The following SNX29 variants were observed in gnomAD, a reference collection of about 807,000 sequenced individuals.
SNX29 encodes the protein sorting nexin-29.
A neutral mutation model predicts 102.1 loss-of-function variants in SNX29; 78 were observed. The ratio of observed to expected loss-of-function variants is 0.76; its 90% CI spans 0.64 to 0.92. The LOEUF (loss-of-function observed/expected upper bound fraction) is 0.92, where lower values mean the gene tolerates loss of function less well. Among genes scored for constraint, SNX29 ranks in the 40% least tolerant of loss-of-function variants. The pLI is 0.00. For missense variants in SNX29, 1,280 were observed against 1,061.7 expected, an observed-to-expected ratio of 1.21 and a Z score of -2.86; for synonymous variants, 580 against 414.5, an observed-to-expected ratio of 1.40 and a Z score of -4.85.
rs535140580 is a variant in SNX29 at position 12,457,254 on chromosome 16, A to G, written c.2038-20465A>G. Among the ~76,000 whole-genome samples, 13 of 152,312 alleles carry G rather than the reference A, an allele frequency of 8.5e-5. No homozygotes were observed. In the East Asian group the frequency reaches 2.5e-3, roughly 29 times the overall value. ...ACCCTCTTAGGTGGGTGCTAATACTATCCCCGCTCTATAGATGCTAAAACT... is the reference window on the plus strand; with the variant it reads ...ACCCTCTTAGGTGGGTGCTAATACTGTCCCCGCTCTATAGATGCTAAAACT... On this transcript the variant is annotated intron_variant, in intron 18 of 20. Transcript: ENST00000566228.
intron 13 of SNX29, among the ~76,000 whole-genome samples, chr16:12,145,607 TTTA>T (rs1257207088): frequency 2.6e-5 from 4 of 152,212 alleles, no homozygotes; most frequent in African/African-American, 9.6e-5. Context: ...CATCAATGAA[TTTA>T]TTATTTATGG....
intron 13 of SNX29, among the ~76,000 whole-genome samples, chr16:12,132,135 C>T (rs186713330): frequency 6.5e-4 from 96 of 148,608 alleles, no homozygotes; most frequent in African/African-American, 2.3e-3. Flanking sequence ...CTTGCCCTGT[C>T]GTGCCCAGGC....
chr16:12,228,575 C>T (rs1052564908), intron 14 of SNX29, among the ~76,000 whole-genome samples: 1 of 152,240 alleles, frequency 6.6e-6, no homozygotes, highest in African/African-American at 2.4e-5. Context: ...AGTGACTTCC[C>T]GTTGCAATTA....
chr16:12,519,989 C>T (rs2090033966), intron 19 of SNX29, among the ~76,000 whole-genome samples: 1 of 150,498 alleles, frequency 6.6e-6, no homozygotes, highest in African/African-American at 2.5e-5. Flanking sequence ...GTCCCGCCTG[C>T]AAAAAATAAA....
chr16:12,343,567 C>T (rs981276251), intron 15 of SNX29, among the ~76,000 whole-genome samples: 6 of 152,180 alleles, frequency 3.9e-5, no homozygotes, highest in African/African-American at 7.2e-5. Context: ...CTGCCTTTGG[C>T]CTCAGCTTAG....
intron 18 of SNX29, chr16:12,443,318 C>T (rs1291634549): frequency 1.6e-5 from 3 of 186,516 alleles, no homozygotes; most frequent in South Asian, 9.4e-5. Context: ...GCCAAGGCAG[C>T]AGAGAGAGTC....
chr16:12,067,131 G>C (rs2051075311), intron 9 of SNX29, among the ~76,000 whole-genome samples: 1 of 152,054 alleles, frequency 6.6e-6, no homozygotes, highest in South Asian at 2.1e-4. Flanking sequence ...GCTGCAGTGA[G>C]CTATAATCGT....
chr16:12,067,819 C>A (rs2051104712), intron 9 of SNX29, among the ~76,000 whole-genome samples: 1 of 152,166 alleles, frequency 6.6e-6, no homozygotes, highest in African/African-American at 2.4e-5. Flanking sequence ...AAGGTTTCTC[C>A]TGGGTGATAC....
intron 18 of SNX29, among the ~76,000 whole-genome samples, chr16:12,440,818 G>A (rs956124364): frequency 2.6e-5 from 4 of 152,138 alleles, no homozygotes; most frequent in Admixed American, 6.5e-5. Context: ...TATGTACCAC[G>A]TTTTCTTTAA....
At chr16:12,051,294 A>G (rs546976795) in intron 7 of SNX29, among the ~76,000 whole-genome samples, 111 of 150,318 alleles carry the variant, frequency 7.4e-4, no homozygotes, top group Non-Finnish European at 1.1e-3. Flanking sequence ...GCACCATTGT[A>G]CTCCAGCCTG....
chr16:12,540,236 C>G (rs143012273), intron 20 of SNX29, among the ~76,000 whole-genome samples: 244 of 152,154 alleles, frequency 1.6e-3, no homozygotes, highest in African/African-American at 5.7e-3. Flanking sequence ...TGTGGCTGAC[C>G]CGCTCCCCCC....
intron 19 of SNX29, among the ~76,000 whole-genome samples, chr16:12,485,326 A>G (rs1435251249): frequency 6.6e-6 from 1 of 152,206 alleles, no homozygotes; most frequent in Admixed American, 6.5e-5. Flanking sequence ...TAAAGTCTGC[A>G]TTATGGCTCA....
At chr16:12,149,559 A>T (rs1274691905) in intron 13 of SNX29, among the ~76,000 whole-genome samples, 5 of 152,142 alleles carry the variant, frequency 3.3e-5, no homozygotes, top group Non-Finnish European at 5.9e-5. Flanking sequence ...TTAACAAATG[A>T]CCTTTTGATT....
intron 20 of SNX29, among the ~76,000 whole-genome samples, chr16:12,535,693 A>C (rs1182654716): frequency 6.6e-6 from 1 of 152,070 alleles, no homozygotes; most frequent in Admixed American, 6.5e-5. Flanking sequence ...CTGCATTGTA[A>C]CTGTGGGTCC....
chr16:12,492,100 G>A (rs1188575798), intron 19 of SNX29, among the ~76,000 whole-genome samples: 8 of 152,168 alleles, frequency 5.3e-5, no homozygotes, highest in African/African-American at 7.2e-5. Flanking sequence ...CTGAGGAATC[G>A]CCACACTGAC....
chr16:12,003,040 G>A lies in SNX29; in HGVS notation c.119G>A (p.Ser40Asn). The A allele has an allele frequency of 6.2e-7, 1 of 1,614,218 alleles. No individual in the cohort carries two copies. The highest frequency in any genetic ancestry group is 8.5e-7 in the Non-Finnish European group (1 of 1,180,046). ...AAGGAGATTGCCTCGGATTCCGACA[G>A]CAGGTAAATATGTCACTTCTAAAAC... ...GRKEIASDSD[S>N]RVTCLCAQFE... Residue 40 changes from serine (S) to asparagine (N), a missense_variant, in exon 3 of 21, where the codon AGC (serine) becomes AAC (asparagine). Physicochemically the swap from Ser to Asn is conservative, Grantham distance 46. Transcript: ENST00000566228.
intron 19 of SNX29, among the ~76,000 whole-genome samples, chr16:12,485,929 T>C (rs1255452713): frequency 2.0e-5 from 3 of 152,148 alleles, no homozygotes; most frequent in Non-Finnish European, 4.4e-5. Context: ...GCCAGCAGAA[T>C]CAATGCAAGG....
At chr16:12,563,327 C>T (rs982882984) in intron 20 of SNX29, among the ~76,000 whole-genome samples, 24 of 152,150 alleles carry the variant, frequency 1.6e-4, no homozygotes, top group South Asian at 4.1e-4. Context: ...AGAGAGTCAC[C>T]GTCGAGGAGT....
chr16:12,013,488 GAAAAAAA>G (rs564156499), intron 3 of SNX29, among the ~76,000 whole-genome samples: 1 of 12,980 alleles, frequency 7.7e-5, no homozygotes, highest in African/African-American at 1.9e-4. Context: ...TCTACTGGGG[GAAAAAAA>G]AAAAAATATA....
Sources: allele counts gnomAD v4.1 joint callset (sites outside exome capture counted in the v4.1 genomes callset), GRCh38; gene constraint gnomAD v4.1.1; transcripts MANE v1.5; gene names NCBI Gene and HGNC (gene_info 2026-07-23, HGNC 2026-07-21).